Variants in RPSA2 observed in about 807,000 individuals in gnomAD.
The protein encoded by RPSA2 is ribosomal protein SA 2.
the RPSA2 span, among the ~76,000 whole-genome samples, chr19:23,826,582 G>C: frequency 6.6e-6 from 1 of 151,998 alleles, no homozygotes; most frequent in Non-Finnish European, 1.5e-5. Context: ...CATAAAATCT[G>C]TGTCTTTTTG....
At chr19:23,863,629 T>G in the RPSA2 span, among the ~76,000 whole-genome samples, 4 of 151,292 alleles carry the variant, frequency 2.6e-5, no homozygotes, top group African/African-American at 9.7e-5. Context: ...TGTCATAGTT[T>G]CTGGTGTATA....
chr19:23,846,177 AC>A, the RPSA2 span, among the ~76,000 whole-genome samples: 1 of 151,720 alleles, frequency 6.6e-6, no homozygotes, highest in Non-Finnish European at 1.5e-5. Flanking sequence ...GTTAATATCT[AC>A]CCCCTTTACT....
chr19:23,866,532 A>T, the RPSA2 span, among the ~76,000 whole-genome samples: 6 of 129,594 alleles, frequency 4.6e-5, no homozygotes, highest in African/African-American at 1.7e-4. Flanking sequence ...CGCCCAGTGG[A>T]AATAATGCCA....
the RPSA2 span, among the ~76,000 whole-genome samples, chr19:23,867,159 A>G: frequency 5.3e-5 from 8 of 152,158 alleles, no homozygotes; most frequent in Non-Finnish European, 1.0e-4. Flanking sequence ...TTAAAAAAAA[A>G]TGTATGGGCT....
At chr19:23,819,798 G>A in the RPSA2 span, among the ~76,000 whole-genome samples, 5 of 152,260 alleles carry the variant, frequency 3.3e-5, no homozygotes, top group East Asian at 9.7e-4. Flanking sequence ...GAGTTTCTTG[G>A]CAAAATTTTT....
At chr19:23,865,120 G>C in the RPSA2 span, among the ~76,000 whole-genome samples, 1 of 152,240 alleles carries the variant, frequency 6.6e-6, no homozygotes, top group Non-Finnish European at 1.5e-5. Flanking sequence ...AGCACAGGAA[G>C]TGAAATAGAC....
At chr19:23,835,791 G>T in the RPSA2 span, among the ~76,000 whole-genome samples, 1 of 151,746 alleles carries the variant, frequency 6.6e-6, no homozygotes, top group South Asian at 2.1e-4. Flanking sequence ...CCGCCACCAT[G>T]CCCAGCTAAT....
chr19:23,836,020 T>C, the RPSA2 span, among the ~76,000 whole-genome samples: 1 of 152,158 alleles, frequency 6.6e-6, no homozygotes, highest in South Asian at 2.1e-4. Flanking sequence ...GTTCCATAAG[T>C]TATTGGGGTA....
At chr19:23,858,054 T>C in the RPSA2 span, among the ~76,000 whole-genome samples, 1,012 of 151,832 alleles carry the variant, frequency 6.7e-3, 14 homozygotes, top group African/African-American at 0.023. Context: ...TGGCTTTACT[T>C]TGGGGTTTGT....
At chr19:23,779,792 C>T in the RPSA2 span, among the ~76,000 whole-genome samples, 1 of 152,168 alleles carries the variant, frequency 6.6e-6, no homozygotes, top group Non-Finnish European at 1.5e-5. Flanking sequence ...TGCACCCTGC[C>T]CACAGGAAAG....
chr19:23,848,341 T>C, the RPSA2 span, among the ~76,000 whole-genome samples: 1 of 152,140 alleles, frequency 6.6e-6, no homozygotes, highest in Non-Finnish European at 1.5e-5. Flanking sequence ...GTTCATTCTC[T>C]CAATTTTTAC....
the RPSA2 span, chr19:23,790,886 C>A: frequency 2.0e-6 from 1 of 492,030 alleles, no homozygotes; most frequent in Non-Finnish European, 3.7e-6. Context: ...AATCTGCACC[C>A]TGAGTTCTCC....
chr19:23,847,315 T>C, the RPSA2 span, among the ~76,000 whole-genome samples: 1 of 152,196 alleles, frequency 6.6e-6, no homozygotes, highest in African/African-American at 2.4e-5. Flanking sequence ...CTTGCATCTC[T>C]TTGTATTGGG....
chr19:23,853,346 C>T, the RPSA2 span, among the ~76,000 whole-genome samples: 2 of 144,230 alleles, frequency 1.4e-5, no homozygotes, highest in South Asian at 4.7e-4. Flanking sequence ...TTACCATCCG[C>T]CACTTGCCTG....
chr19:23,845,968 C>G, the RPSA2 span, among the ~76,000 whole-genome samples: 2 of 152,144 alleles, frequency 1.3e-5, no homozygotes, highest in Admixed American at 6.5e-5. Flanking sequence ...GATTTGCCAG[C>G]TTTCCTATCT....
the RPSA2 span, chr19:23,843,233 C>A: frequency 3.8e-6 from 1 of 265,386 alleles, no homozygotes; most frequent in South Asian, 4.0e-5. Context: ...AATAAAAGAA[C>A]CCTGGTATGT....
At chr19:23,848,240 G>A in the RPSA2 span, among the ~76,000 whole-genome samples, 2 of 152,146 alleles carry the variant, frequency 1.3e-5, no homozygotes, top group Non-Finnish European at 2.9e-5. Context: ...CTCTGCCGTG[G>A]CTCCAGCCGG....
the RPSA2 span, among the ~76,000 whole-genome samples, chr19:23,768,678 C>A: frequency 1.6e-5 from 2 of 124,036 alleles, no homozygotes; most frequent in Non-Finnish European, 3.5e-5. Flanking sequence ...ACCTTCACCT[C>A]GCAGGTTCAA....
At chr19:23,796,943 G>T in the RPSA2 span, among the ~76,000 whole-genome samples, 1 of 151,528 alleles carries the variant, frequency 6.6e-6, no homozygotes, top group East Asian at 1.9e-4. Context: ...CTAGCTTAGG[G>T]ATTGATTTGC....
Sources: gnomAD v4.1 joint callset for allele counts (sites outside exome capture counted in the v4.1 genomes callset) on GRCh38, gnomAD v4.1.1 for gene constraint, MANE v1.5 for transcripts, NCBI Gene and HGNC (gene_info 2026-07-23, HGNC 2026-07-21) for gene names.